ENO2: variants seen among roughly 807,000 people sequenced by gnomAD.
ENO2 encodes enolase 2, also known as gamma-enolase.
Under a neutral mutation model 48.7 loss-of-function variants are expected in ENO2, and 19 were observed. That is an observed-to-expected ratio of 0.39 (90% CI 0.27 to 0.57). The LOEUF is 0.57. ENO2 is among the 20% of genes least tolerant of loss of function. The pLI, the probability that ENO2 is intolerant of heterozygous loss-of-function variation, is 0.58. For synonymous variants in ENO2, 198 were observed against 213.4 expected (o/e 0.93, Z 0.63); for missense variants, 416 against 555.0 (o/e 0.75, Z 2.52).
At position 6,922,839 on chromosome 12, in the gene ENO2, T is replaced by C. The variant is rs1388911930; in HGVS notation, c.*39T>C. 5 of 1,607,550 alleles carry C rather than the reference T, an allele frequency of 3.1e-6. No individual in the cohort carries two copies. In the African/African-American group the frequency reaches 4.0e-5, roughly 13 times the overall value. ...CTGGAGACGTGGAACCTCTGTCTCA[T>C]CCTCCTGGAACCTTGCTGTCCTGAT... On this transcript the variant is annotated 3_prime_UTR_variant, in exon 12 of 12. Coordinates refer to ENST00000229277, the MANE Select transcript of ENO2 (RefSeq NM_001975.3). The surrounding 1 kb of genome is among the most constrained non-coding windows in gnomAD (Gnocchi z 5.3).
Position 6,916,468 on chromosome 12 carries a change from C to T in ENO2, c.137C>T (p.Ala46Val), listed in dbSNP as rs1438783784. 6.2e-7 allele frequency: 1 copy of T among 1,614,088 alleles called. No individual in the cohort carries two copies. Among genetic ancestry groups the T allele is most frequent in the Non-Finnish European group, 8.5e-7 (1 of 1,180,000 alleles). Residue 46 changes from alanine (A) to valine (V), a missense_variant, in exon 3 of 12, where the codon GCC becomes GTC. Ala to Val is a moderately conservative substitution (Grantham distance 64). Transcript: ENST00000229277. This position sits in a 1 kb window ranked among gnomAD's most constrained non-coding sequence, Gnocchi z 4.5. ...PSGASTGIYE[A>V]LELRDGDKQR... ...GGAGCCTCTACGGGCATCTATGAGGCCCTGGAGCTGAGGGATGGAGACAAA... is the reference window on the plus strand; with the variant it reads ...GGAGCCTCTACGGGCATCTATGAGGTCCTGGAGCTGAGGGATGGAGACAAA...
chr12:6,919,765 TGA>T lies in ENO2; in HGVS notation c.865+6_865+7del. 6.2e-7 allele frequency: 1 copy of T among 1,612,612 alleles called. No individual in the cohort carries two copies. Among genetic ancestry groups the T allele is most frequent in the Non-Finnish European group, 8.5e-7 (1 of 1,179,644 alleles). On this transcript the variant is annotated splice_donor_region_variant and intron_variant, in intron 8 of 11. Coordinates refer to ENST00000229277, the MANE Select transcript of ENO2 (RefSeq NM_001975.3). The stretch of plus-strand genomic sequence containing the variant: ...AGGACTTTGTCAGGGACTATCCTGG[TGA>T]GAGGAAGTGGTGTGAGGGGGAGGTC...
intron 2 of ENO2, 37 bp downstream of exon 2, chr12:6,915,954 CT>C: frequency 6.2e-7 from 1 of 1,610,690 alleles, no homozygotes; most frequent in Non-Finnish European, 8.5e-7. Context: ...ACAGCCCTAG[CT>C]TTTCCACGGC....
rs1945357586 is a variant in ENO2, at chr12:6,923,123, G to A, written c.*323G>A. On this transcript the variant is annotated 3_prime_UTR_variant, in exon 12 of 12. Transcript: ENST00000229277. ...AATGATCAGCATCTGTGATGGGAGC[G>A]TCAGGGTTGGTGTGCTGAGGTGTTA... The A allele has an allele frequency of 5.9e-6, 2 of 337,242 alleles. No homozygotes were observed. Among genetic ancestry groups the A allele is most frequent in the Non-Finnish European group, 1.2e-5 (2 of 172,924 alleles). 20.9% of individuals were successfully genotyped at this position (337,242 alleles called of 1,614,324 possible). A position where few individuals can be genotyped will look rare whatever the true frequency, so the allele number is the denominator to read the frequency against.
chr12:6,917,991 C>A lies in ENO2; in HGVS notation c.496C>A (p.Gln166Lys). ...GSHAGNKLAM[Q>K]EFMILPVGAE... ...TCATGCTGGCAACAAGCTGGCCATG[C>A]AGGAGTTCATGATCCTCCCAGTGGG... Residue 166 changes from glutamine to lysine, a missense_variant, in exon 7 of 12, where the codon CAG becomes AAG. Physicochemically the swap from Gln to Lys is moderately conservative, Grantham distance 53. Coordinates refer to ENST00000229277, the MANE Select transcript of ENO2 (RefSeq NM_001975.3). 1.9e-6 allele frequency: 3 copies of A among 1,614,140 alleles called. No individual in the cohort carries two copies. The highest frequency in any genetic ancestry group is 2.5e-6 in the Non-Finnish European group (3 of 1,180,022).
Position 6,921,614 on chromosome 12 carries a change from A to T in ENO2, c.899A>T (p.Asp300Val), listed in dbSNP as rs781854637. Residue 300 changes from aspartate to valine, a missense_variant, in exon 9 of 12, where the codon GAT (aspartate) becomes GTT (valine). Coordinates refer to ENST00000229277, the MANE Select transcript of ENO2 (RefSeq NM_001975.3). ...ATTGAGGACCCATTTGACCAGGATG[A>T]TTGGGCTGCCTGGTCCAAGTTCACA... ...VSIEDPFDQD[D>V]WAAWSKFTAN... The T allele has an allele frequency of 1.2e-6, 2 of 1,614,004 alleles. No individual in the cohort carries two copies. Among genetic ancestry groups the T allele is most frequent in the Non-Finnish European group, 1.7e-6 (2 of 1,180,036 alleles).
intron 7 of ENO2, among the ~76,000 whole-genome samples, chr12:6,918,752 C>T (rs1403074512): frequency 1.3e-5 from 2 of 150,550 alleles, no homozygotes; most frequent in East Asian, 2.0e-4. Context: ...GAGGCTGAGG[C>T]GGGTGGATCA....
In ENO2 at chr12:6,917,698, T is replaced by G; in HGVS notation, c.428T>G (p.Leu143Arg). The G allele has an allele frequency of 6.9e-7, 1 of 1,439,400 alleles. No homozygotes were observed. The highest frequency in any genetic ancestry group is 9.3e-7 in the Non-Finnish European group (1 of 1,072,590). The allele number at this position is 1,439,400 out of a possible 1,614,324, so 89.2% of individuals were successfully genotyped here. A position where few individuals can be genotyped will look rare whatever the true frequency, so the allele number is the denominator to read the frequency against. ...HIAQLAGNSD[L>R]ILPVPAFNVI... is the part of the protein sequence containing the mutation. ...GCTCAGCTGGCCGGGAACTCAGACC[T>G]CATCCTGCCTGTGCCGGTGAGCAAT... The change falls in exon 6 of 12, where the codon CTC becomes CGC. Residue 143 changes from leucine to arginine, a missense_variant. Physicochemically the swap from Leu to Arg is moderately radical, Grantham distance 102 (BLOSUM62 -2). Coordinates refer to ENST00000229277, the MANE Select transcript of ENO2 (RefSeq NM_001975.3).
rs1555142159 is a variant in ENO2, at chr12:6,922,035, C to G, written c.1068-21C>G. The stretch of plus-strand genomic sequence containing the variant: ...GTGCCCAGTGTGAGAGCTGGAGAAT[C>G]AGTGCTGTGTGTGGATACAGGTGCA... On this transcript the variant is annotated intron_variant, in intron 9 of 11. Transcript: ENST00000229277. The surrounding 1 kb of genome is among the most constrained non-coding windows in gnomAD (Gnocchi z 5.3). The G allele has an allele frequency of 6.2e-7, 1 of 1,613,472 alleles. No individual in the cohort carries two copies. The highest frequency in any genetic ancestry group is 8.5e-7 in the Non-Finnish European group (1 of 1,179,428).
chr12:6,919,442 G>A (rs1945320274), intron 7 of ENO2, 124 bp from the exon 8 acceptor site: 1 of 1,050,918 alleles, frequency 9.5e-7, no homozygotes, highest in Non-Finnish European at 1.4e-6. Context: ...AACCCCAACA[G>A]CATCCCCGCC....
In ENO2 at chr12:6,916,055, G is replaced by A. The variant is rs1454496151; in HGVS notation, c.85+138G>A. 4 of 870,304 alleles carry A rather than the reference G, an allele frequency of 4.6e-6. No homozygotes were observed. The highest frequency in any genetic ancestry group is 1.5e-5 in the South Asian group (1 of 66,086). 53.9% of individuals were successfully genotyped at this position (870,304 alleles called of 1,614,324 possible). ...CAGGCTCACAAGCCTGGGTTGTGGC[G>A]GTTGGATCCTCCTTGTCCGGGGAGC... On this transcript the variant is annotated intron_variant, in intron 2 of 11. Coordinates refer to ENST00000229277, the MANE Select transcript of ENO2 (RefSeq NM_001975.3). This position sits in a 1 kb window ranked among gnomAD's most constrained non-coding sequence, Gnocchi z 4.5.
Position 6,922,931 on chromosome 12 carries a change from C to A in ENO2, c.*131C>A. 3.3e-6 allele frequency: 3 copies of A among 896,524 alleles called. No individual in the cohort carries two copies. Among genetic ancestry groups the A allele is most frequent in the Non-Finnish European group, 3.5e-6 (2 of 564,554 alleles). 55.5% of individuals were successfully genotyped at this position (896,524 alleles called of 1,614,324 possible). A position where few individuals can be genotyped will look rare whatever the true frequency, so the allele number is the denominator to read the frequency against. On this transcript the variant is annotated 3_prime_UTR_variant, in exon 12 of 12. Transcript: ENST00000229277. This position sits in a 1 kb window ranked among gnomAD's most constrained non-coding sequence, Gnocchi z 5.3. ...GCCCAGAACTTCCCTGATTGACCTG[C>A]TCCGCTGCTCCTTGGCTTACCTGAC...
At chr12:6,918,623 G>A (rs782240456) in intron 7 of ENO2, among the ~76,000 whole-genome samples, 1 of 151,286 alleles carries the variant, frequency 6.6e-6, no homozygotes, top group East Asian at 2.0e-4. Context: ...ACAAGCGTGA[G>A]CCACCACGCC....
intron 1 of ENO2, chr12:6,915,554 T>G: frequency 4.5e-6 from 2 of 440,078 alleles, no homozygotes. Flanking sequence ...CTCACTGCAG[T>G]GTTCTCCCAT....
chr12:6,918,096 G>T lies in ENO2; in HGVS notation c.601G>T (p.Gly201Cys). ...CAAGGGAGTCATCAAGGACAAATAC[G>T]GCAAGGATGCCACCAATGTGGGGGA... The part of the protein sequence containing the change: ...TLKGVIKDKY[G>C]KDATNVGDEG... The change falls in exon 7 of 12, where the codon GGC becomes TGC. Residue 201 changes from glycine to cysteine, a missense_variant. Transcript: ENST00000229277. The T allele has an allele frequency of 1.2e-6, 2 of 1,614,144 alleles. No homozygotes were observed. Among genetic ancestry groups the T allele is most frequent in the Non-Finnish European group, 1.7e-6 (2 of 1,180,024 alleles).
intron 5 of ENO2, 164 bp from the exon 6 acceptor site, chr12:6,917,417 C>A: frequency 7.1e-6 from 7 of 982,436 alleles, no homozygotes; most frequent in Non-Finnish European, 1.0e-5. Context: ...CCATTCCTCT[C>A]CCTGCTGTTT....
intron 4 of ENO2, 36 bp from the exon 5 acceptor site, chr12:6,917,002 C>T (rs1052229003): frequency 1.2e-5 from 19 of 1,613,358 alleles, no homozygotes; most frequent in Non-Finnish European, 1.6e-5. Context: ...GCTCAGCCTC[C>T]AGCCTGGCCC....
Position 6,916,645 on chromosome 12 carries a change from C to A in ENO2, c.182-26C>A. On this transcript the variant is annotated intron_variant, in intron 3 of 11. Transcript: ENST00000229277. This position sits in a 1 kb window ranked among gnomAD's most constrained non-coding sequence, Gnocchi z 4.5. ...CCCTTCCGGCCCCTCCTGGCCCGAC[C>A]CAGTCCAGCCTCTTCCTTTCCCCAG... is the stretch of plus-strand genomic sequence containing the variant. 1 of 1,614,056 alleles carries A rather than the reference C, an allele frequency of 6.2e-7. No homozygotes were observed. Among genetic ancestry groups the A allele is most frequent in the Non-Finnish European group, 8.5e-7 (1 of 1,179,930 alleles).
At chr12:6,917,838 CTT>C in intron 6 of ENO2, 100 bp from the exon 7 acceptor site, 1 of 1,572,916 alleles carries the variant, frequency 6.4e-7, no homozygotes, top group Non-Finnish European at 8.7e-7. Context: ...GGACGTGAGA[CTT>C]AGTCCGGAAA....
Sources: allele counts gnomAD v4.1 joint callset (sites outside exome capture counted in the v4.1 genomes callset), GRCh38; gene constraint gnomAD v4.1.1; non-coding constraint Gnocchi (gnomAD v3.1); transcripts MANE v1.5; gene names NCBI Gene and HGNC (gene_info 2026-07-23, HGNC 2026-07-21).